The following OVCH2 variants were observed in gnomAD, a reference collection of about 807,000 sequenced individuals.
OVCH2 encodes the protein ovochymase-2.
OVCH2 carries 88 observed loss-of-function variants against 73.7 expected under a neutral mutation model. The observed-to-expected ratio is 1.19, with a 90% CI of 1.01 to 1.43. OVCH2 has a LOEUF of 1.43. Ranked by LOEUF, OVCH2 falls within the 40% of genes most tolerant of loss-of-function variation. The pLI is 0.00. For missense variants in OVCH2, 706 were observed against 674.5 expected, an observed-to-expected ratio of 1.05 and a Z score of -0.52; for synonymous variants, 265 against 234.5, an observed-to-expected ratio of 1.13 and a Z score of -1.19.
At chr11:7,702,438 TG>T (rs2136162614) in intron 3 of OVCH2, 109 bp from the exon 4 acceptor site, 1 of 328,458 alleles carries the variant, frequency 3.0e-6, no homozygotes, top group Non-Finnish European at 4.4e-6. Flanking sequence ...TAATATGGGG[TG>T]TGAGGCTGCT....
At chr11:7,685,137 G>A (rs1590898288), downstream of OVCH2, among the ~76,000 whole-genome samples, 1 of 152,296 alleles carries the variant, frequency 6.6e-6, no homozygotes, top group East Asian at 1.9e-4. Flanking sequence ...ACTTGGTGGA[G>A]GAGCTGGTAG....
At chr11:7,681,164 G>A in the OVCH2 span, among the ~76,000 whole-genome samples, 1 of 152,144 alleles carries the variant, frequency 6.6e-6, no homozygotes, top group South Asian at 2.1e-4. Flanking sequence ...CTTCATTAGG[G>A]ACCACTGATG....
the OVCH2 span, among the ~76,000 whole-genome samples, chr11:7,684,263 G>A: frequency 6.6e-6 from 1 of 151,942 alleles, no homozygotes; most frequent in Non-Finnish European, 1.5e-5. Flanking sequence ...TCCATTCACT[G>A]GAAAGCAATA....
downstream of OVCH2, among the ~76,000 whole-genome samples, chr11:7,688,401 T>C (rs575710226): frequency 1.5e-4 from 23 of 152,266 alleles, no homozygotes; most frequent in East Asian, 9.7e-4. Flanking sequence ...TTTGGAAATA[T>C]TGTGCTTGGC....
chr11:7,681,353 A>G, the OVCH2 span, among the ~76,000 whole-genome samples: 8 of 152,220 alleles, frequency 5.3e-5, no homozygotes, highest in Admixed American at 4.6e-4. Flanking sequence ...GCTTTCTGGA[A>G]TATCTTCAAC....
At chr11:7,688,910 G>T (rs1856171684), downstream of OVCH2, among the ~76,000 whole-genome samples, 1 of 152,166 alleles carries the variant, frequency 6.6e-6, no homozygotes, top group African/African-American at 2.4e-5. Flanking sequence ...ACCACAATTT[G>T]GCACAGAAAG....
At chr11:7,696,903 T>G in intron 8 of OVCH2, 104 bp from the exon 9 acceptor site, 1 of 1,041,626 alleles carries the variant, frequency 9.6e-7, no homozygotes, top group Non-Finnish European at 1.4e-6. Context: ...TTCTTCTTGA[T>G]GTACTCTTCG....
rs752748791 is a variant in OVCH2 at position 7,704,683 on chromosome 11, A to C, written c.89-9T>G. The C allele has an allele frequency of 1.9e-6, 3 of 1,561,622 alleles. No homozygotes were observed. The Admixed American group carries it at 5.1e-5, about 27-fold the overall frequency. On this transcript the variant is annotated splice_polypyrimidine_tract_variant and intron_variant, in intron 1 of 15. Coordinates refer to ENST00000533663, the MANE Select transcript of OVCH2 (RefSeq NM_198185.7). The stretch of plus-strand genomic sequence containing the variant: ...CTGCCCACAACTGGGAGCTGAGAAA[A>C]AAACGAGACAAACTAAATGATTAGA...
downstream of OVCH2, among the ~76,000 whole-genome samples, chr11:7,687,479 C>T (rs932313399): frequency 6.6e-6 from 1 of 152,068 alleles, no homozygotes; most frequent in African/African-American, 2.4e-5. Context: ...CAACAGAGGC[C>T]AGAGGCTCAG....
chr11:7,700,820 G>C (rs527639889), intron 6 of OVCH2, among the ~76,000 whole-genome samples: 15 of 152,322 alleles, frequency 9.8e-5, no homozygotes, highest in African/African-American at 3.6e-4. Flanking sequence ...AAGAATGGAG[G>C]AAAAGTGTAA....
intron 3 of OVCH2, among the ~76,000 whole-genome samples, chr11:7,702,681 T>G (rs1461229290): frequency 6.6e-6 from 1 of 152,192 alleles, no homozygotes; most frequent in East Asian, 1.9e-4. Context: ...TGACCTAATA[T>G]CAGTGAGACC....
At chr11:7,689,350 C>A (rs1399686175), downstream of OVCH2, 1 of 212,662 alleles carries the variant, frequency 4.7e-6, no homozygotes, top group Non-Finnish European at 9.6e-6. Flanking sequence ...TGTAGATTTA[C>A]CTGCTTAGTC....
downstream of OVCH2, among the ~76,000 whole-genome samples, chr11:7,685,388 G>C (rs1431478314): frequency 2.6e-5 from 4 of 152,108 alleles, no homozygotes; most frequent in African/African-American, 9.7e-5. Context: ...GTGGAACTTG[G>C]GTGTTATTAA....
At chr11:7,704,912 T>G (rs1856505591) in intron 1 of OVCH2, among the ~76,000 whole-genome samples, 1 of 152,220 alleles carries the variant, frequency 6.6e-6, no homozygotes, top group East Asian at 1.9e-4. Flanking sequence ...GATAGAGGTT[T>G]GCTAGGTAAT....
At chr11:7,694,819 TTTTTTTTA>T (rs1238165569) in intron 12 of OVCH2, among the ~76,000 whole-genome samples, 2 of 149,022 alleles carry the variant, frequency 1.3e-5, no homozygotes, top group African/African-American at 5.0e-5. Context: ...TTTTTTTTTT[TTTTTTTTA>T]AAGTAAGGAG....
In OVCH2 at chr11:7,695,798, T is replaced by C. The variant is rs530809448; in HGVS notation, c.1142-88A>G. ...TTAAGAAGAACTGAATTTGCCATGA[T>C]ATTTCAGGATTGTCCAATCCAAAGT... On this transcript the variant is annotated intron_variant, in intron 10 of 15. Coordinates refer to ENST00000533663, the MANE Select transcript of OVCH2 (RefSeq NM_198185.7). The C allele has an allele frequency of 2.4e-3, 3,670 of 1,507,296 alleles. 7 individuals carry two copies. Among genetic ancestry groups the C allele is most frequent in the Non-Finnish European group, 3.1e-3 (3,396 of 1,111,740 alleles). 93.4% of individuals were successfully genotyped at this position (1,507,296 alleles called of 1,614,324 possible).
At position 7,694,457 on chromosome 11, in the gene OVCH2, C is replaced by T. The variant is rs1009951088; in HGVS notation, c.1413+601G>A. Among the ~76,000 whole-genome samples the T allele has an allele frequency of 2.0e-5, 3 of 152,194 alleles. No homozygotes were observed. In the South Asian group the frequency reaches 6.2e-4, roughly 32 times the overall value. On this transcript the variant is annotated intron_variant, in intron 12 of 15. Transcript: ENST00000533663. Reference sequence around the variant, plus strand: ...TTCTGCGCTGGTTCCTCTAGGCTTGCTCTGTCCTCTCTGCTTGAAAGGCTT... The same window carrying T: ...TTCTGCGCTGGTTCCTCTAGGCTTGTTCTGTCCTCTCTGCTTGAAAGGCTT...
chr11:7,704,654 G>C lies in OVCH2; in HGVS notation c.109C>G (p.Leu37Val). The C allele has an allele frequency of 1.2e-6, 2 of 1,612,108 alleles. No individual in the cohort carries two copies. Among genetic ancestry groups the C allele is most frequent in the South Asian group, 1.1e-5 (1 of 90,656 alleles). Residue 37 changes from leucine (L) to valine (V), a missense_variant, in exon 2 of 16, where the codon CTG becomes GTG. Leu to Val is a conservative substitution (Grantham distance 32). Coordinates refer to ENST00000533663, the MANE Select transcript of OVCH2 (RefSeq NM_198185.7). ...TAATTCCAAGGCTGTACCTTAACCA[G>C]ACTCTGCCCACAACTGGGAGCTGAG... ...LPKAPSCGQS[L>V]VKVQPWNYFN...
the OVCH2 span, among the ~76,000 whole-genome samples, chr11:7,682,359 C>T: frequency 7.2e-5 from 11 of 152,170 alleles, no homozygotes; most frequent in Admixed American, 6.5e-4. Context: ...TGTTTTAATG[C>T]CATGCAAATT....
Sources: gnomAD v4.1 joint callset for allele counts (sites outside exome capture counted in the v4.1 genomes callset) on GRCh38, gnomAD v4.1.1 for gene constraint, MANE v1.5 for transcripts, NCBI Gene and HGNC (gene_info 2026-07-23, HGNC 2026-07-21) for gene names.